Variants in CADM2 observed in about 807,000 individuals in gnomAD.
CADM2 encodes immunoglobulin superfamily member 4D.
Under a neutral mutation model 49.8 loss-of-function variants are expected in CADM2, and 12 were observed. The observed-to-expected ratio is 0.24, with a 90% CI of 0.15 to 0.39. The LOEUF (loss-of-function observed/expected upper bound fraction) is 0.39. Among genes scored for constraint, CADM2 ranks in the 10% least tolerant of loss-of-function variants. CADM2 has a pLI of 1.00. For missense variants in CADM2, 378 were observed against 492.3 expected, an observed-to-expected ratio of 0.77 and a Z score of 2.20; for synonymous variants, 214 against 175.4, an observed-to-expected ratio of 1.22 and a Z score of -1.74.
At chr3:85,568,803 T>C (rs2107229662) in intron 1 of CADM2, among the ~76,000 whole-genome samples, 1 of 151,808 alleles carries the variant, frequency 6.6e-6, no homozygotes, top group East Asian at 1.9e-4. Context: ...AGATGGGGTT[T>C]CACCATATTG....
At chr3:85,974,176 T>A (rs574323480) in intron 8 of CADM2, among the ~76,000 whole-genome samples, 1 of 151,732 alleles carries the variant, frequency 6.6e-6, no homozygotes, top group Admixed American at 6.6e-5. Context: ...AAGGAAGATA[T>A]TAACTCTTTG....
chr3:85,533,961 T>G (rs1214883454), intron 1 of CADM2, among the ~76,000 whole-genome samples: 1 of 152,142 alleles, frequency 6.6e-6, no homozygotes, highest in Non-Finnish European at 1.5e-5. Context: ...TATTCTAAAC[T>G]TATCATTTAG....
intron 3 of CADM2, among the ~76,000 whole-genome samples, chr3:85,843,962 G>T (rs1325139550): frequency 6.6e-6 from 1 of 152,022 alleles, no homozygotes; most frequent in Non-Finnish European, 1.5e-5. Flanking sequence ...CTAGCACCCA[G>T]GGAGTGCAGA....
At chr3:85,004,527 C>T (rs993817762) in intron 1 of CADM2, among the ~76,000 whole-genome samples, 1 of 152,060 alleles carries the variant, frequency 6.6e-6, no homozygotes, top group Non-Finnish European at 1.5e-5. Flanking sequence ...AGGGATAAAA[C>T]ACAGGGTGCT....
intron 1 of CADM2, among the ~76,000 whole-genome samples, chr3:85,077,827 T>C (rs989225319): frequency 1.3e-5 from 2 of 152,124 alleles, no homozygotes; most frequent in Non-Finnish European, 1.5e-5. Context: ...TGAAAGTTAA[T>C]AGTAAGCCAA....
chr3:85,986,962 C>T (rs1728193761), intron 8 of CADM2, among the ~76,000 whole-genome samples: 4 of 151,912 alleles, frequency 2.6e-5, no homozygotes, highest in Admixed American at 2.0e-4. Context: ...AGGTTAGCAT[C>T]GAGTGCTAAA....
At chr3:85,372,254 T>TA (rs1576437687) in intron 1 of CADM2, among the ~76,000 whole-genome samples, 2 of 151,520 alleles carry the variant, frequency 1.3e-5, no homozygotes, top group South Asian at 2.1e-4. Context: ...TGTTTTTAAT[T>TA]AAAAAACAGT....
intron 3 of CADM2, among the ~76,000 whole-genome samples, chr3:85,814,819 A>G (rs894984781): frequency 2.8e-4 from 43 of 151,952 alleles, no homozygotes; most frequent in African/African-American, 1.0e-3. Context: ...TGTTCTATAG[A>G]ATATAGAATA....
At chr3:85,396,421 C>T (rs2034794422) in intron 1 of CADM2, among the ~76,000 whole-genome samples, 1 of 151,918 alleles carries the variant, frequency 6.6e-6, no homozygotes, top group African/African-American at 2.4e-5. Context: ...ATGAGACTGG[C>T]AATGACTCTT....
At chr3:85,490,865 T>C (rs1368207384) in intron 1 of CADM2, among the ~76,000 whole-genome samples, 2 of 150,796 alleles carry the variant, frequency 1.3e-5, no homozygotes, top group African/African-American at 2.4e-5. Flanking sequence ...AAAAAAGTAG[T>C]ACAAATATTC....
chr3:85,362,610 C>A (rs1559800723), intron 1 of CADM2, among the ~76,000 whole-genome samples: 1 of 152,172 alleles, frequency 6.6e-6, no homozygotes, highest in Non-Finnish European at 1.5e-5. Context: ...TCTATACATT[C>A]ACCTATAAGG....
At chr3:85,416,515 C>A (rs1016020727) in intron 1 of CADM2, among the ~76,000 whole-genome samples, 1 of 152,216 alleles carries the variant, frequency 6.6e-6, no homozygotes, top group East Asian at 1.9e-4. Flanking sequence ...TTTGAACTTG[C>A]CCTATGCATT....
At position 85,437,104 on chromosome 3, in the gene CADM2, G is replaced by A. The variant is rs147759421; in HGVS notation, c.62-289418G>A. Among the ~76,000 whole-genome samples the A allele has an allele frequency of 2.4e-3, 367 of 152,178 alleles. 2 individuals carry two copies. The highest frequency in any genetic ancestry group is 8.4e-3 in the African/African-American group (351 of 41,548). On this transcript the variant is annotated intron_variant, in intron 1 of 9. Transcript: ENST00000383699. Reference sequence around the variant, plus strand: ...TCATGCAGTTGGAATCATATAGTATGTAGCCTTTTCATGTTGGCTTCTTTC... The same window carrying A: ...TCATGCAGTTGGAATCATATAGTATATAGCCTTTTCATGTTGGCTTCTTTC...
chr3:85,413,161 A>AAATAATAATAAT (rs1206383142), intron 1 of CADM2, among the ~76,000 whole-genome samples: 1 of 108,526 alleles, frequency 9.2e-6, no homozygotes, highest in African/African-American at 4.1e-5. Flanking sequence ...AAAAAAAAAA[A>AAATAATAATAAT]AATAATAATA....
In CADM2 at chr3:85,876,594, C is replaced by T. The variant is rs144770364; in HGVS notation, c.239-6697C>T. Among the ~76,000 whole-genome samples the T allele has an allele frequency of 1.8e-4, 28 of 152,164 alleles. No individual in the cohort carries two copies. In the East Asian group the frequency reaches 5.4e-3, roughly 29 times the overall value. The stretch of plus-strand genomic sequence containing the variant: ...CTCACAATGGAATATGATTTTTTGT[C>T]ATGATTTAAGCATTCTAAAATGTGA... On this transcript the variant is annotated intron_variant, in intron 3 of 9. Transcript: ENST00000383699.
chr3:85,924,568 G>A lies in CADM2; in HGVS notation c.701-11199G>A, dbSNP rs150850113. 3.9e-3 allele frequency among the ~76,000 whole-genome samples: 581 copies of A among 147,348 alleles called. 2 individuals are homozygous for A. The highest frequency in any genetic ancestry group is 6.8e-3 in the Non-Finnish European group (458 of 67,044). On this transcript the variant is annotated intron_variant, in intron 6 of 9. Coordinates refer to ENST00000383699, the MANE Select transcript of CADM2 (RefSeq NM_001167675.2). The stretch of plus-strand genomic sequence containing the variant: ...GATGGCACCACTGCACTCCAGCCTG[G>A]GTGACAAAATGAAACAACATCTAAA...
intron 1 of CADM2, among the ~76,000 whole-genome samples, chr3:85,562,471 T>C (rs1244633245): frequency 5.1e-5 from 3 of 58,920 alleles, no homozygotes; most frequent in South Asian, 6.4e-4. Context: ...AGAGAGAAAC[T>C]CCATCTCAAA....
intron 1 of CADM2, among the ~76,000 whole-genome samples, chr3:85,259,215 C>T (rs568221899): frequency 7.2e-5 from 11 of 152,198 alleles, no homozygotes; most frequent in South Asian, 6.2e-4. Context: ...AGTCATTGAA[C>T]GCCGAGCATG....
intron 1 of CADM2, among the ~76,000 whole-genome samples, chr3:85,312,404 G>A (rs938032919): frequency 3.9e-5 from 6 of 152,076 alleles, no homozygotes; most frequent in Non-Finnish European, 7.4e-5. Flanking sequence ...GGTAAGAGAC[G>A]TGTAAATTGA....
Sources: allele counts gnomAD v4.1 joint callset (sites outside exome capture counted in the v4.1 genomes callset), GRCh38; gene constraint gnomAD v4.1.1; transcripts MANE v1.5; gene names NCBI Gene and HGNC (gene_info 2026-07-23, HGNC 2026-07-21).